ARHGAP10: variants seen among roughly 807,000 people sequenced by gnomAD.
ARHGAP10 encodes the protein Rho GTPase activating protein 10, also known as rho GTPase-activating protein 10.
Under a neutral mutation model 108.6 loss-of-function variants are expected in ARHGAP10, and 87 were observed. That is an observed-to-expected ratio of 0.80 (90% CI 0.67 to 0.96). The LOEUF is 0.96. ARHGAP10 is among the 40% of genes least tolerant of loss of function. The pLI, the probability that ARHGAP10 is intolerant of heterozygous loss-of-function variation, is 0.00. For missense variants in ARHGAP10, 939 were observed against 954.5 expected (o/e 0.98, Z 0.21); for synonymous variants, 347 against 341.1 (o/e 1.02, Z -0.19).
intron 22 of ARHGAP10, 97 bp from the exon 23 acceptor site, chr4:148,071,896 C>G: frequency 1.0e-6 from 1 of 991,804 alleles, no homozygotes; most frequent in Non-Finnish European, 1.5e-6. Context: ...GGCCCCTGTT[C>G]TCTACTGGCC....
At chr4:148,069,821 C>T (rs1234248737) in intron 22 of ARHGAP10, among the ~76,000 whole-genome samples, 1 of 152,130 alleles carries the variant, frequency 6.6e-6, no homozygotes, top group Non-Finnish European at 1.5e-5. Flanking sequence ...CACTCAGGCC[C>T]CCACATTGTT....
At chr4:147,984,067 T>A (rs979007878) in intron 18 of ARHGAP10, among the ~76,000 whole-genome samples, 1 of 152,168 alleles carries the variant, frequency 6.6e-6, no homozygotes, top group Non-Finnish European at 1.5e-5. Context: ...GTTCCAAGGC[T>A]GTTTATGAGT....
chr4:147,754,317 T>C (rs2126696437), intron 1 of ARHGAP10, among the ~76,000 whole-genome samples: 1 of 152,344 alleles, frequency 6.6e-6, no homozygotes, highest in Middle Eastern at 3.4e-3. Context: ...TTGTTGCTAT[T>C]GTAGTTCCTC....
At chr4:147,985,943 T>C (rs949191896) in intron 18 of ARHGAP10, among the ~76,000 whole-genome samples, 5 of 151,492 alleles carry the variant, frequency 3.3e-5, no homozygotes, top group Admixed American at 2.6e-4. Context: ...GATGCCATCA[T>C]GGAGGCTGTT....
rs114911667 is a variant in ARHGAP10 at position 147,963,055 on chromosome 4, A to G, written c.1451-1969A>G. Among the ~76,000 whole-genome samples, 337 of 152,336 alleles carry G rather than the reference A, an allele frequency of 2.2e-3. 2 individuals carry two copies. The highest frequency in any genetic ancestry group is 5.0e-3 in the African/African-American group (209 of 41,586). On this transcript the variant is annotated intron_variant, in intron 16 of 22. Transcript: ENST00000336498. ...TTCTAATCCATCCTTTAAGAAAAAT[A>G]TCAGGCATACCTTCCCCAAATATAA... is the stretch of plus-strand genomic sequence containing the variant.
intron 18 of ARHGAP10, among the ~76,000 whole-genome samples, chr4:148,003,116 C>T (rs1220210548): frequency 2.0e-5 from 3 of 152,118 alleles, no homozygotes; most frequent in East Asian, 1.9e-4. Flanking sequence ...TATGCTGTGT[C>T]GTTGTTCTCA....
intron 3 of ARHGAP10, among the ~76,000 whole-genome samples, chr4:147,833,002 C>A (rs550325382): frequency 2.0e-4 from 30 of 152,250 alleles, no homozygotes; most frequent in African/African-American, 7.2e-4. Flanking sequence ...TCCGTTGAGA[C>A]CTGGTTAGGT....
chr4:147,809,881 G>GT (rs1731945648), intron 1 of ARHGAP10, among the ~76,000 whole-genome samples: 1 of 152,162 alleles, frequency 6.6e-6, no homozygotes, highest in Non-Finnish European at 1.5e-5. Context: ...AGGGCTTGGG[G>GT]ACCCCTGCTA....
chr4:147,953,048 T>C (rs1738669249), intron 15 of ARHGAP10, among the ~76,000 whole-genome samples: 1 of 152,036 alleles, frequency 6.6e-6, no homozygotes, highest in African/African-American at 2.4e-5. Flanking sequence ...CATACAGTTT[T>C]CTTTTCATTT....
chr4:147,905,284 GT>G (rs1165170997), intron 10 of ARHGAP10, among the ~76,000 whole-genome samples: 1 of 149,442 alleles, frequency 6.7e-6, no homozygotes, highest in Non-Finnish European at 1.5e-5. Flanking sequence ...TGCTTTTGGT[GT>G]TTTAGACATG....
intron 7 of ARHGAP10, among the ~76,000 whole-genome samples, chr4:147,873,891 G>GGA (rs1272543288): frequency 7.9e-5 from 12 of 151,338 alleles, no homozygotes; most frequent in African/African-American, 2.4e-4. Flanking sequence ...AAAAAAAAAG[G>GGA]GGGGATAAGA....
rs1461080817 is a variant in ARHGAP10 at position 147,765,277 on chromosome 4, G to A, written c.154+32822G>A. Reference sequence around the variant, plus strand: ...GCCAGGTGTTTCCAATATCATACCTGGAAATATAAAGTACACATTAGAACA... The same window carrying A: ...GCCAGGTGTTTCCAATATCATACCTAGAAATATAAAGTACACATTAGAACA... On this transcript the variant is annotated intron_variant, in intron 1 of 22. Transcript: ENST00000336498. 4.9e-5 allele frequency among the ~76,000 whole-genome samples: 7 copies of A among 141,752 alleles called. No individual in the cohort carries two copies. The Admixed American group carries it at 5.2e-4, about 10-fold the overall frequency. The allele number at this position is 141,752 out of a possible 152,430, so 93.0% of individuals were successfully genotyped here.
chr4:148,070,192 A>G (rs1730105134), intron 22 of ARHGAP10, among the ~76,000 whole-genome samples: 1 of 152,172 alleles, frequency 6.6e-6, no homozygotes, highest in South Asian at 2.1e-4. Flanking sequence ...GCACACACGC[A>G]CACAGAACAT....
In ARHGAP10 at chr4:147,955,304, C is replaced by T; in HGVS notation, c.1392-12C>T. 1 of 1,606,462 alleles carries T rather than the reference C, an allele frequency of 6.2e-7. No homozygotes were observed. Among genetic ancestry groups the T allele is most frequent in the Non-Finnish European group, 8.5e-7 (1 of 1,175,422 alleles). On this transcript the variant is annotated splice_polypyrimidine_tract_variant and intron_variant, in intron 15 of 22. Transcript: ENST00000336498. ...ATTTATTTGATAATTCTGAGCTGTT[C>T]TTTTCACACAGGAGTCTTCCAGAGC...
At chr4:147,819,530 A>T (rs1732394968) in intron 1 of ARHGAP10, among the ~76,000 whole-genome samples, 1 of 151,482 alleles carries the variant, frequency 6.6e-6, no homozygotes, top group African/African-American at 2.4e-5. Context: ...TTTTATTTTT[A>T]TTTTATTATT....
At chr4:148,021,688 T>C (rs1164913481) in intron 18 of ARHGAP10, among the ~76,000 whole-genome samples, 1 of 152,206 alleles carries the variant, frequency 6.6e-6, no homozygotes, top group African/African-American at 2.4e-5. Flanking sequence ...TTCTTACATC[T>C]GAACAATGAC....
intron 3 of ARHGAP10, among the ~76,000 whole-genome samples, chr4:147,835,749 A>G (rs190947641): frequency 1.2e-3 from 189 of 152,366 alleles, no homozygotes; most frequent in Non-Finnish European, 2.4e-3. Flanking sequence ...CCACTGAGTC[A>G]TACCATTCAC....
intron 1 of ARHGAP10, among the ~76,000 whole-genome samples, chr4:147,815,993 A>G (rs4835458): frequency 0.97 from 147,734 of 152,342 alleles, 71,645 homozygotes; most frequent in East Asian, 1. Context: ...TACAGCAATA[A>G]GAAATGAATA....
chr4:147,859,116 C>T (rs995483834), intron 5 of ARHGAP10, among the ~76,000 whole-genome samples: 3 of 152,124 alleles, frequency 2.0e-5, no homozygotes, highest in African/African-American at 7.2e-5. Flanking sequence ...ATTTGTTTTC[C>T]TTCTGCCTGG....
Sources: allele counts gnomAD v4.1 joint callset (sites outside exome capture counted in the v4.1 genomes callset), GRCh38; gene constraint gnomAD v4.1.1; transcripts MANE v1.5; gene names NCBI Gene and HGNC (gene_info 2026-07-23, HGNC 2026-07-21).